EEA1: variants seen among roughly 807,000 people sequenced by gnomAD.
EEA1 encodes the protein early endosome antigen 1, 162kD.
EEA1 carries 111 observed loss-of-function variants against 209.2 expected under a neutral mutation model. The ratio of observed to expected loss-of-function variants is 0.53; its 90% CI spans 0.45 to 0.62. The LOEUF (loss-of-function observed/expected upper bound fraction) is 0.62. Among genes scored for constraint, EEA1 ranks in the 20% least tolerant of loss-of-function variants. The probability of loss-of-function intolerance (pLI) is 0.00; values close to 1 mark genes in which losing one functional copy is unlikely to be tolerated. For missense variants in EEA1, 1,343 were observed against 1,530.8 expected (o/e 0.88, Z 2.05); for synonymous variants, 536 against 540.6 (o/e 0.99, Z 0.12).
At chr12:92,918,854 C>A (rs995816111) in intron 1 of EEA1, among the ~76,000 whole-genome samples, 14 of 135,012 alleles carry the variant, frequency 1.0e-4, no homozygotes, top group Admixed American at 2.9e-4. Flanking sequence ...GCTAGCAAGA[C>A]TAATAAAGAA....
At chr12:92,914,857 T>C (rs1880710105) in intron 1 of EEA1, among the ~76,000 whole-genome samples, 1 of 151,900 alleles carries the variant, frequency 6.6e-6, no homozygotes, top group South Asian at 2.1e-4. Flanking sequence ...ACAGATGGGG[T>C]TTTGCCACAT....
chr12:92,782,180 G>A, intron 22 of EEA1, 45 bp from the exon 23 acceptor site: 1 of 1,484,200 alleles, frequency 6.7e-7, no homozygotes, highest in Non-Finnish European at 9.2e-7. Context: ...CATGTTTTTA[G>A]TAAATTCAAC....
intron 1 of EEA1, among the ~76,000 whole-genome samples, chr12:92,914,665 ATT>A (rs1275187896): frequency 2.8e-5 from 4 of 140,958 alleles, no homozygotes; most frequent in African/African-American, 7.8e-5. Context: ...TGTCTCTACA[ATT>A]TTTTTTTTTT....
At chr12:92,786,231 A>G (rs1874125802) in intron 22 of EEA1, among the ~76,000 whole-genome samples, 1 of 152,046 alleles carries the variant, frequency 6.6e-6, no homozygotes, top group Non-Finnish European at 1.5e-5. Context: ...TCATTCCTCA[A>G]TCTGCAGTGA....
At chr12:92,798,075 C>G (rs529762736) in intron 21 of EEA1, among the ~76,000 whole-genome samples, 13 of 152,134 alleles carry the variant, frequency 8.5e-5, no homozygotes, top group African/African-American at 3.1e-4. Flanking sequence ...AACTCTTGGT[C>G]TGGACAAGTA....
At chr12:92,841,900 C>CA (rs1877178640) in intron 10 of EEA1, among the ~76,000 whole-genome samples, 1 of 152,088 alleles carries the variant, frequency 6.6e-6, no homozygotes, top group Non-Finnish European at 1.5e-5. Flanking sequence ...AGCAACGTGA[C>CA]AAAGAGATAT....
Position 92,856,767 on chromosome 12 carries a change from C to CTTTTT in EEA1, c.366+503_366+507dup, listed in dbSNP as rs57579359. ...AAAAACAACATATAGATACCTGATT[C>CTTTTT]TTTTTTTTTTTTTTTTTTTTTTGAG... On this transcript the variant is annotated intron_variant, in intron 5 of 28. Transcript: ENST00000322349. Among the ~76,000 whole-genome samples, 37 of 86,662 alleles carry CTTTTT rather than the reference C, an allele frequency of 4.3e-4. 1 individual carries two copies. Among genetic ancestry groups the CTTTTT allele is most frequent in the East Asian group, 7.1e-4 (2 of 2,800 alleles). 56.9% of individuals were successfully genotyped at this position (86,662 alleles called of 152,430 possible).
At chr12:92,826,479 A>G (rs7315238) in intron 12 of EEA1, among the ~76,000 whole-genome samples, 194 bp from the exon 13 acceptor site, 42,948 of 151,664 alleles carry the variant, frequency 0.28, 6,530 homozygotes, top group Non-Finnish European at 0.32. Flanking sequence ...GGAGGCCAAG[A>G]TGGGCGAATC....
chr12:92,811,661 T>C (rs1382146845), intron 16 of EEA1, among the ~76,000 whole-genome samples: 1 of 152,178 alleles, frequency 6.6e-6, no homozygotes, highest in Admixed American at 6.5e-5. Flanking sequence ...TATAACAGTT[T>C]AATAACTTTT....
intron 10 of EEA1, among the ~76,000 whole-genome samples, chr12:92,839,529 C>G (rs1337293427): frequency 1.3e-5 from 2 of 152,126 alleles, no homozygotes; most frequent in Admixed American, 6.5e-5. Context: ...AATGTAAAGG[C>G]AGATATGAGA....
intron 2 of EEA1, among the ~76,000 whole-genome samples, chr12:92,880,599 C>G (rs532426802): frequency 6.6e-6 from 1 of 152,186 alleles, no homozygotes; most frequent in East Asian, 1.9e-4. Flanking sequence ...CTCAGCCTCG[C>G]GAGTAGCTGG....
At chr12:92,926,223 C>A (rs1294602968) in intron 1 of EEA1, among the ~76,000 whole-genome samples, 2 of 151,952 alleles carry the variant, frequency 1.3e-5, no homozygotes, top group Non-Finnish European at 2.9e-5. Flanking sequence ...GAACTCCCGA[C>A]CTCAGGTGAT....
chr12:92,914,213 T>G (rs1365652893), intron 1 of EEA1, among the ~76,000 whole-genome samples: 2 of 152,052 alleles, frequency 1.3e-5, no homozygotes, highest in African/African-American at 4.8e-5. Context: ...TTTGCTTGCC[T>G]CTAGCCCTGC....
chr12:92,811,872 AT>A (rs1374584998), intron 16 of EEA1, among the ~76,000 whole-genome samples: 2 of 152,206 alleles, frequency 1.3e-5, no homozygotes, highest in African/African-American at 4.8e-5. Flanking sequence ...AAAAAAAAAA[AT>A]AAAATAAAAA....
At position 92,799,019 on chromosome 12, in the gene EEA1, A is replaced by G. The variant is rs760288875; in HGVS notation, c.2840T>C (p.Leu947Ser). The G allele has an allele frequency of 4.3e-6, 7 of 1,613,182 alleles. No homozygotes were observed. Among genetic ancestry groups the G allele is most frequent in the Non-Finnish European group, 5.9e-6 (7 of 1,179,698 alleles). Reference protein sequence around the residue: ...QEQLIQAQNTLKQNEKEEQQL... With the variant: ...QEQLIQAQNTSKQNEKEEQQL... ...TTGCTCTTCTTTTTCATTTTGTTTT[A>G]AAGTATTCTGGGCCTGTATAAGTTG... is the stretch of plus-strand genomic sequence containing the variant. The change falls in exon 21 of 29, where the codon TTA becomes TCA. Residue 947 changes from leucine to serine, a missense_variant. Physicochemically the swap from Leu to Ser is moderately radical, Grantham distance 145. Around this residue, in one of 3 missense-constraint regions of EEA1, gnomAD observed 1,307 missense variants for 1,465.5 expected, o/e 0.89. Transcript: ENST00000322349.
chr12:92,772,923 T>C lies in EEA1; in HGVS notation c.*3088A>G, dbSNP rs533629025. On this transcript the variant is annotated 3_prime_UTR_variant, in exon 29 of 29. Transcript: ENST00000322349. ...CTTAGTGACTTCTAATTCTATTTTA[T>C]ACAATTTTACATAAATTTAGTAAGT... The C allele has an allele frequency of 2.0e-5, 3 of 152,436 alleles. No homozygotes were observed. The highest frequency in any genetic ancestry group is 4.1e-4 in the South Asian group (2 of 4,834). 9.4% of individuals were successfully genotyped at this position (152,436 alleles called of 1,614,324 possible). A position where few individuals can be genotyped will look rare whatever the true frequency, so the allele number is the denominator to read the frequency against.
chr12:92,777,884 G>T, intron 26 of EEA1, 57 bp downstream of exon 26: 2 of 1,508,582 alleles, frequency 1.3e-6, no homozygotes, highest in South Asian at 2.4e-5. Flanking sequence ...TATGGAATAT[G>T]ACAATCTTTT....
At chr12:92,853,505 G>A (rs1430824371) in intron 6 of EEA1, among the ~76,000 whole-genome samples, 2 of 152,094 alleles carry the variant, frequency 1.3e-5, no homozygotes, top group Non-Finnish European at 2.9e-5. Flanking sequence ...CTGCTCCTCT[G>A]ATAAAATTAG....
At chr12:92,904,025 C>T (rs1880264926) in intron 1 of EEA1, among the ~76,000 whole-genome samples, 2 of 151,684 alleles carry the variant, frequency 1.3e-5, no homozygotes, top group Non-Finnish European at 2.9e-5. Flanking sequence ...TGCAATGGTG[C>T]AATCTCAGCT....
Sources: gnomAD v4.1 joint callset for allele counts (sites outside exome capture counted in the v4.1 genomes callset) on GRCh38, gnomAD v4.1.1 for gene constraint, gnomAD v4.1.1 regional missense constraint, MANE v1.5 for transcripts, NCBI Gene and HGNC (gene_info 2026-07-23, HGNC 2026-07-21) for gene names.